ZNF501: variants seen among roughly 807,000 people sequenced by gnomAD.
ZNF501 encodes zinc finger protein 52.
Under a neutral mutation model 5.7 loss-of-function variants are expected in ZNF501, and 7 were observed. The observed-to-expected ratio is 1.24, with a 90% CI of 0.70 to 2.32. The LOEUF is 2.32. Among genes scored for constraint, ZNF501 ranks in the 30% most tolerant of loss-of-function variants. The pLI, the probability that ZNF501 is intolerant of heterozygous loss-of-function variation, is 0.00. For missense variants in ZNF501, 352 were observed against 321.1 expected, an observed-to-expected ratio of 1.10 and a Z score of -0.73; for synonymous variants, 107 against 101.9, an observed-to-expected ratio of 1.05 and a Z score of -0.30.
At position 44,734,902 on chromosome 3, in the gene ZNF501, C is replaced by T. The variant is rs773661097; in HGVS notation, c.481C>T (p.Pro161Ser). ...RHQRSHSGDKPFKCNECGKAF... is the reference protein window; with the variant it reads ...RHQRSHSGDKSFKCNECGKAF... ...TCAGAGAAGTCATTCTGGAGATAAA[C>T]CTTTTAAGTGTAATGAATGTGGGAA... The change falls in exon 3 of 3, where the codon CCT becomes TCT. Residue 161 changes from proline to serine, a missense_variant. Pro to Ser is a moderately conservative substitution (Grantham distance 74). Coordinates refer to ENST00000620116, the MANE Select transcript of ZNF501 (RefSeq NM_001258280.2). 5.6e-6 allele frequency: 9 copies of T among 1,613,908 alleles called. No homozygotes were observed. The East Asian group carries it at 2.0e-4, about 36-fold the overall frequency.
Position 44,734,365 on chromosome 3 carries a change from G to A in ZNF501, c.-57G>A, listed in dbSNP as rs1215178897. Reference sequence around the variant, plus strand: ...CCTAGGAGAACTGTATTACTCTAATGATAATCACCTTTGAGGAAAAAAAAC... The same window carrying A: ...CCTAGGAGAACTGTATTACTCTAATAATAATCACCTTTGAGGAAAAAAAAC... On this transcript the variant is annotated 5_prime_UTR_variant, in exon 3 of 3. It removes an upstream start codon present in the reference 5' UTR. Coordinates refer to ENST00000620116, the MANE Select transcript of ZNF501 (RefSeq NM_001258280.2). 1 of 1,480,954 alleles carries A rather than the reference G, an allele frequency of 6.8e-7. No homozygotes were observed. The highest frequency in any genetic ancestry group is 9.3e-7 in the Non-Finnish European group (1 of 1,079,464). 91.7% of individuals were successfully genotyped at this position (1,480,954 alleles called of 1,614,324 possible).
chr3:44,734,203 T>C lies in ZNF501; in HGVS notation c.-219T>C. ...CACTACTTAATCTCTTCAGAGAGGC[T>C]GATCATCAGGGGTTCACTTTCAGAG... is the stretch of plus-strand genomic sequence containing the variant. On this transcript the variant is annotated 5_prime_UTR_variant, in exon 3 of 3. Transcript: ENST00000620116. 1 of 517,254 alleles carries C rather than the reference T, an allele frequency of 1.9e-6. No homozygotes were observed. The highest frequency in any genetic ancestry group is 3.4e-6 in the Non-Finnish European group (1 of 292,092). The allele number at this position is 517,254 out of a possible 1,614,324, so 32.0% of individuals were successfully genotyped here.
chr3:44,733,910 C>T (rs1054873229), intron 2 of ZNF501, among the ~76,000 whole-genome samples: 1 of 152,232 alleles, frequency 6.6e-6, no homozygotes, highest in African/African-American at 2.4e-5. Context: ...AACTCTTTGA[C>T]TATCACTAGC....
Position 44,734,412 on chromosome 3 carries a change from T to TA in ZNF501, c.-9dup, listed in dbSNP as rs758922511. ...AAACTTGTAAGTATGAATTTGGTGT[T>TA]ACAAGCAGCATGAATTCCAGCCAAA... On this transcript the variant is annotated 5_prime_UTR_variant, in exon 3 of 3. Coordinates refer to ENST00000620116, the MANE Select transcript of ZNF501 (RefSeq NM_001258280.2). 1.2e-6 allele frequency: 2 copies of TA among 1,608,378 alleles called. No individual in the cohort carries two copies. The highest frequency in any genetic ancestry group is 1.7e-6 in the Non-Finnish European group (2 of 1,176,336).
rs750989937 is a variant in ZNF501, at chr3:44,734,381, GA to G, written c.-33del. 1.7e-5 allele frequency: 27 copies of G among 1,567,588 alleles called. No homozygotes were observed. The Admixed American group carries it at 2.1e-4, about 12-fold the overall frequency. The stretch of plus-strand genomic sequence containing the variant: ...TACTCTAATGATAATCACCTTTGAG[GA>G]AAAAAAACTTGTAAGTATGAATTTG... On this transcript the variant is annotated 5_prime_UTR_variant, in exon 3 of 3. The change creates a premature stop within an existing upstream ORF in the 5' untranslated region. Transcript: ENST00000620116.
rs761058689 is a variant in ZNF501, at chr3:44,734,734, C to T, written c.313C>T (p.Pro105Ser). The T allele has an allele frequency of 6.4e-5, 103 of 1,613,946 alleles. 2 individuals carry two copies. The South Asian group carries it at 1.1e-3, about 18-fold the overall frequency. ...TCTGAGAATTCATACTGGAGAGAAA[C>T]CCTATAAATGCAATGAATGTGGAAA... ...QHLRIHTGEKPYKCNECGKAF... is the reference protein window; with the variant it reads ...QHLRIHTGEKSYKCNECGKAF... The change falls in exon 3 of 3, where the codon CCC (proline) becomes TCC (serine). Residue 105 changes from proline (P) to serine (S), a missense_variant. Pro to Ser is a moderately conservative substitution (Grantham distance 74, BLOSUM62 -1). Coordinates refer to ENST00000620116, the MANE Select transcript of ZNF501 (RefSeq NM_001258280.2).
intron 1 of ZNF501, among the ~76,000 whole-genome samples, chr3:44,731,112 A>G (rs1342090243): frequency 6.6e-6 from 1 of 152,234 alleles, no homozygotes; most frequent in Non-Finnish European, 1.5e-5. Flanking sequence ...GACTGAGTCC[A>G]TTACTGGTCC....
In ZNF501 at chr3:44,735,186, T is replaced by A. The variant is rs761474570; in HGVS notation, c.765T>A (p.Phe255Leu). The change falls in exon 3 of 3, where the codon TTT becomes TTA. Residue 255 changes from phenylalanine (F) to leucine (L), a missense_variant. By Grantham distance (22) the Phe-to-Leu change is conservative (BLOSUM62 0). Transcript: ENST00000620116. ...PYECVGCGKS[F>L]RHSSALLRHQ... ...AGTGTGTTGGATGTGGGAAATCCTT[T>A]AGGCACAGTTCAGCACTTCTTCGAC... is the stretch of plus-strand genomic sequence containing the variant. 6.2e-7 allele frequency: 1 copy of A among 1,608,118 alleles called. No homozygotes were observed. Among genetic ancestry groups the A allele is most frequent in the South Asian group, 1.1e-5 (1 of 90,198 alleles).
Position 44,734,604 on chromosome 3 carries a change from A to T in ZNF501, c.183A>T (p.Lys61Asn). The change falls in exon 3 of 3, where the codon AAA (lysine) becomes AAT (asparagine). Residue 61 changes from lysine (K) to asparagine (N), a missense_variant. Lys to Asn is a moderately conservative substitution (Grantham distance 94, BLOSUM62 0). Coordinates refer to ENST00000620116, the MANE Select transcript of ZNF501 (RefSeq NM_001258280.2). The part of the protein sequence containing the change: ...VCSECGSCFR[K>N]QSNLTQHLRI... ...GTGAATGTGGAAGTTGTTTCCGTAA[A>T]CAGTCAAATCTTACTCAACATCTGA... 6.2e-7 allele frequency: 1 copy of T among 1,614,114 alleles called. No homozygotes were observed. Among genetic ancestry groups the T allele is most frequent in the Non-Finnish European group, 8.5e-7 (1 of 1,180,008 alleles).
Position 44,729,687 on chromosome 3 carries a change from G to C in ZNF501, c.-639G>C, listed in dbSNP as rs1003996553. ...GACCTGAGTGTTGCAAGGTGCGAGA[G>C]GGGAGCGCCGCGGGGAGCGCCGCGG... is the stretch of plus-strand genomic sequence containing the variant. On this transcript the variant is annotated 5_prime_UTR_variant, in exon 1 of 3. Coordinates refer to ENST00000620116, the MANE Select transcript of ZNF501 (RefSeq NM_001258280.2). 2 of 143,634 alleles carry C rather than the reference G, an allele frequency of 1.4e-5. No homozygotes were observed. The highest frequency in any genetic ancestry group is 2.1e-4 in the South Asian group (1 of 4,776). 8.9% of individuals were successfully genotyped at this position (143,634 alleles called of 1,614,324 possible).
At chr3:44,732,653 T>C (rs1213412917) in intron 2 of ZNF501, among the ~76,000 whole-genome samples, 2 of 152,182 alleles carry the variant, frequency 1.3e-5, no homozygotes, top group African/African-American at 2.4e-5. Flanking sequence ...CTAAGACACA[T>C]TTTTTAGTGG....
chr3:44,735,377 T>C lies in ZNF501; in HGVS notation c.*140T>C, dbSNP rs1294308974. On this transcript the variant is annotated 3_prime_UTR_variant, in exon 3 of 3. Coordinates refer to ENST00000620116, the MANE Select transcript of ZNF501 (RefSeq NM_001258280.2). ...ACAAGAAATGTTGTGTCCTAATGTG[T>C]CCTAGTCTGGAGTTTGATGCCTTAT... 2 of 788,176 alleles carry C rather than the reference T, an allele frequency of 2.5e-6. No homozygotes were observed. Among genetic ancestry groups the C allele is most frequent in the Non-Finnish European group, 3.9e-6 (2 of 507,744 alleles). The allele number at this position is 788,176 out of a possible 1,614,324, so 48.8% of individuals were successfully genotyped here.
rs760762307 is a variant in ZNF501, at chr3:44,729,883, G to C, written c.-443G>C. 1 of 152,296 alleles carries C rather than the reference G, an allele frequency of 6.6e-6. No individual in the cohort carries two copies. Among genetic ancestry groups the C allele is most frequent in the Non-Finnish European group, 1.5e-5 (1 of 68,082 alleles). The allele number at this position is 152,296 out of a possible 1,614,324, so 9.4% of individuals were successfully genotyped here. Reference sequence around the variant, plus strand: ...GAGGCTGTTCGAGAGCCCTAGGCTGGGAGTCGGAGGACCTGGGTTCGATTT... The same window carrying C: ...GAGGCTGTTCGAGAGCCCTAGGCTGCGAGTCGGAGGACCTGGGTTCGATTT... On this transcript the variant is annotated 5_prime_UTR_variant, in exon 1 of 3. Transcript: ENST00000620116.
Position 44,735,159 on chromosome 3 carries a change from T to C in ZNF501, c.738T>C (p.Tyr246=), listed in dbSNP as rs763779707. 1 of 1,613,574 alleles carries C rather than the reference T, an allele frequency of 6.2e-7. No individual in the cohort carries two copies. Among genetic ancestry groups the C allele is most frequent in the East Asian group, 2.2e-5 (1 of 44,872 alleles). Residue 246 remains tyrosine (Y), a synonymous_variant, in exon 3 of 3, where the codon TAT becomes TAC. Coordinates refer to ENST00000620116, the MANE Select transcript of ZNF501 (RefSeq NM_001258280.2). ...HYRIHTGEKP[Y]ECVGCGKSFR... is the part of the protein sequence containing the mutation. The stretch of plus-strand genomic sequence containing the variant: ...GAATTCATACTGGAGAAAAACCTTA[T>C]GAGTGTGTTGGATGTGGGAAATCCT...
rs1224265728 is a variant in ZNF501 at position 44,735,341 on chromosome 3, T to C, written c.*104T>C. ...TCAATCTGTAGCTAGTATGAATATTTTGTATTTTGAACAAGAAATGTTGTG... is the reference window on the plus strand; with the variant it reads ...TCAATCTGTAGCTAGTATGAATATTCTGTATTTTGAACAAGAAATGTTGTG... On this transcript the variant is annotated 3_prime_UTR_variant, in exon 3 of 3. Coordinates refer to ENST00000620116, the MANE Select transcript of ZNF501 (RefSeq NM_001258280.2). 7.5e-6 allele frequency: 8 copies of C among 1,073,012 alleles called. No homozygotes were observed. The East Asian group carries it at 1.5e-4, about 21-fold the overall frequency. 66.5% of individuals were successfully genotyped at this position (1,073,012 alleles called of 1,614,324 possible). A position where few individuals can be genotyped will look rare whatever the true frequency, so the allele number is the denominator to read the frequency against.
rs1224848186 is a variant in ZNF501 at position 44,729,692 on chromosome 3, G to T, written c.-634G>T. 1 of 147,798 alleles carries T rather than the reference G, an allele frequency of 6.8e-6. No homozygotes were observed. The highest frequency in any genetic ancestry group is 1.5e-5 in the Non-Finnish European group (1 of 67,088). The allele number at this position is 147,798 out of a possible 1,614,324, so 9.2% of individuals were successfully genotyped here. A position where few individuals can be genotyped will look rare whatever the true frequency, so the allele number is the denominator to read the frequency against. ...GAGTGTTGCAAGGTGCGAGAGGGGA[G>T]CGCCGCGGGGAGCGCCGCGGGAAGC... On this transcript the variant is annotated 5_prime_UTR_variant, in exon 1 of 3. Transcript: ENST00000620116.
rs1704681531 is a variant in ZNF501 at position 44,735,294 on chromosome 3, T to C, written c.*57T>C. The C allele has an allele frequency of 2.8e-6, 4 of 1,410,438 alleles. No homozygotes were observed. The South Asian group carries it at 5.7e-5, about 20-fold the overall frequency. The allele number at this position is 1,410,438 out of a possible 1,614,324, so 87.4% of individuals were successfully genotyped here. A position where few individuals can be genotyped will look rare whatever the true frequency, so the allele number is the denominator to read the frequency against. Reference sequence around the variant, plus strand: ...GTATGGAAGCACCTTTTTTTTCTCCTAAATTCCTAGGAATGTAAGACTCAA... The same window carrying C: ...GTATGGAAGCACCTTTTTTTTCTCCCAAATTCCTAGGAATGTAAGACTCAA... On this transcript the variant is annotated 3_prime_UTR_variant, in exon 3 of 3. Transcript: ENST00000620116.
chr3:44,733,529 C>CA (rs1704647147), intron 2 of ZNF501, among the ~76,000 whole-genome samples: 1 of 152,144 alleles, frequency 6.6e-6, no homozygotes, highest in Admixed American at 6.5e-5. Flanking sequence ...ACTTTATTTT[C>CA]TCTCTCATTC....
Position 44,735,185 on chromosome 3 carries a change from T to A in ZNF501, c.764T>A (p.Phe255Tyr). 1 of 1,608,130 alleles carries A rather than the reference T, an allele frequency of 6.2e-7. No individual in the cohort carries two copies. Among genetic ancestry groups the A allele is most frequent in the Non-Finnish European group, 8.5e-7 (1 of 1,176,398 alleles). ...GAGTGTGTTGGATGTGGGAAATCCT[T>A]TAGGCACAGTTCAGCACTTCTTCGA... ...PYECVGCGKS[F>Y]RHSSALLRHQ... is the part of the protein sequence containing the mutation. The change falls in exon 3 of 3, where the codon TTT (phenylalanine) becomes TAT (tyrosine). Residue 255 changes from phenylalanine to tyrosine, a missense_variant. Transcript: ENST00000620116.
Sources: gnomAD v4.1 joint callset for allele counts (sites outside exome capture counted in the v4.1 genomes callset) on GRCh38, gnomAD v4.1.1 for gene constraint, MANE v1.5 for transcripts, NCBI Gene and HGNC (gene_info 2026-07-23, HGNC 2026-07-21) for gene names.